Variants in SLCO3A1 observed in about 807,000 individuals in gnomAD.
SLCO3A1 encodes the protein solute carrier organic anion transporter family member 3A1.
In SLCO3A1, 27 loss-of-function variants were observed where a neutral mutation model predicts 63.1. That is an observed-to-expected ratio of 0.43 (90% confidence interval 0.32 to 0.59). The LOEUF is 0.59. Among genes scored for constraint, SLCO3A1 ranks in the 20% least tolerant of loss-of-function variants. The pLI is 0.09. For synonymous variants in SLCO3A1, 473 were observed against 409.9 expected (o/e 1.15, Z -1.86); for missense variants, 773 against 945.8 (o/e 0.82, Z 2.40).
At chr15:92,092,555 G>A (rs1380716111) in intron 2 of SLCO3A1, among the ~76,000 whole-genome samples, 1 of 152,066 alleles carries the variant, frequency 6.6e-6, no homozygotes, top group Non-Finnish European at 1.5e-5. Flanking sequence ...ACAGCCTGCA[G>A]CCTGGATGGG....
rs369307385 is a variant in SLCO3A1 at position 92,033,549 on chromosome 15, T to C, written c.647-61332T>C. Reference sequence around the variant, plus strand: ...GGGTGACTTCCAGCTGGGACTGGCATGTGTTCGTTCAGCCCGAGCTTCCAC... The same window carrying C: ...GGGTGACTTCCAGCTGGGACTGGCACGTGTTCGTTCAGCCCGAGCTTCCAC... On this transcript the variant is annotated intron_variant, in intron 2 of 9. Coordinates refer to ENST00000318445, the MANE Select transcript of SLCO3A1 (RefSeq NM_013272.4). This position sits in a 1 kb window ranked among gnomAD's most constrained non-coding sequence, Gnocchi z 4.5. 6.6e-6 allele frequency among the ~76,000 whole-genome samples: 1 copy of C among 152,276 alleles called. No homozygotes were observed. The highest frequency in any genetic ancestry group is 1.9e-4 in the East Asian group (1 of 5,168).
chr15:91,953,056 C>T (rs1204804573), intron 2 of SLCO3A1, among the ~76,000 whole-genome samples: 1 of 152,124 alleles, frequency 6.6e-6, no homozygotes, highest in Non-Finnish European at 1.5e-5. Context: ...TGGAAGCTGC[C>T]TCGGGAAATA....
chr15:92,165,059 G>A lies in SLCO3A1; in HGVS notation c.*1924G>A. On this transcript the variant is annotated 3_prime_UTR_variant, in exon 10 of 10. Coordinates refer to ENST00000318445, the MANE Select transcript of SLCO3A1 (RefSeq NM_013272.4). ...GGAAGTAAAAAATGGTTGGGAGTGG[G>A]ACAGGTATGGTACCGAATTTTTAAT... 2 of 985,378 alleles carry A rather than the reference G, an allele frequency of 2.0e-6. No homozygotes were observed. The highest frequency in any genetic ancestry group is 2.4e-6 in the Non-Finnish European group (2 of 829,886). 61.0% of individuals were successfully genotyped at this position (985,378 alleles called of 1,614,324 possible).
intron 9 of SLCO3A1, among the ~76,000 whole-genome samples, chr15:92,161,333 C>A (rs1432841532): frequency 1.3e-5 from 2 of 152,206 alleles, no homozygotes; most frequent in African/African-American, 2.4e-5. Flanking sequence ...ACACCAAATG[C>A]TCTGATTTCA....
At chr15:91,928,110 T>G (rs1034129344) in intron 2 of SLCO3A1, among the ~76,000 whole-genome samples, 1 of 152,246 alleles carries the variant, frequency 6.6e-6, no homozygotes, top group Non-Finnish European at 1.5e-5. Flanking sequence ...AATATCAGCC[T>G]TGTTACTGGT....
In SLCO3A1 at chr15:92,133,640, G is replaced by C. The variant is rs115048735; in HGVS notation, c.1512+5151G>C. Among the ~76,000 whole-genome samples the C allele has an allele frequency of 5.5e-5, 8 of 145,246 alleles. 1 individual carries two copies. Among genetic ancestry groups the C allele is most frequent in the African/African-American group, 2.0e-4 (8 of 40,058 alleles). Reference sequence around the variant, plus strand: ...TGCGCACGCGAGGGATCTAGGGTGCGTGTGCCTTAGGGGAATCTAATGCCC... The same window carrying C: ...TGCGCACGCGAGGGATCTAGGGTGCCTGTGCCTTAGGGGAATCTAATGCCC... On this transcript the variant is annotated intron_variant, in intron 7 of 9. Transcript: ENST00000318445.
intron 2 of SLCO3A1, among the ~76,000 whole-genome samples, chr15:91,989,344 C>T (rs573310006): frequency 4.6e-5 from 7 of 152,266 alleles, no homozygotes; most frequent in Admixed American, 2.6e-4. Context: ...CCCTTCCTAT[C>T]GTGTGAGCAA....
chr15:92,056,626 T>A (rs796402763), intron 2 of SLCO3A1, among the ~76,000 whole-genome samples: 1 of 152,230 alleles, frequency 6.6e-6, no homozygotes, highest in Admixed American at 6.5e-5. Context: ...AAAGCCATGT[T>A]CCCTATAATT....
At chr15:92,065,707 C>T (rs2047142775) in intron 2 of SLCO3A1, among the ~76,000 whole-genome samples, 1 of 152,032 alleles carries the variant, frequency 6.6e-6, no homozygotes, top group Non-Finnish European at 1.5e-5. Flanking sequence ...ATGTTATTTC[C>T]TTCTTTTTTT....
In SLCO3A1 at chr15:91,912,343, A is replaced by G. The variant is rs1039991358; in HGVS notation, c.181-3650A>G. Among the ~76,000 whole-genome samples the G allele has an allele frequency of 3.3e-5, 5 of 152,294 alleles. No homozygotes were observed. On this transcript the variant is annotated intron_variant, in intron 1 of 9. Transcript: ENST00000318445. This position sits in a 1 kb window ranked among gnomAD's most constrained non-coding sequence, Gnocchi z 5.0. The stretch of plus-strand genomic sequence containing the variant: ...CAAAGCATCATTTCAGAATCTTTGC[A>G]TGACTTCCCAGACTGGCATTGCAGC...
intron 3 of SLCO3A1, among the ~76,000 whole-genome samples, chr15:92,103,217 C>A (rs1006503305): frequency 2.0e-5 from 3 of 152,156 alleles, no homozygotes; most frequent in African/African-American, 7.2e-5. Flanking sequence ...ACCTCATACA[C>A]CATTGCCCAG....
chr15:91,899,928 A>G (rs555886042), intron 1 of SLCO3A1, among the ~76,000 whole-genome samples: 1 of 152,262 alleles, frequency 6.6e-6, no homozygotes, highest in Non-Finnish European at 1.5e-5. Flanking sequence ...CATAGCATGT[A>G]TTAATAATAG....
chr15:91,916,567 C>A lies in SLCO3A1; in HGVS notation c.646+109C>A. 1 of 792,900 alleles carries A rather than the reference C, an allele frequency of 1.3e-6. No homozygotes were observed. Among genetic ancestry groups the A allele is most frequent in the Non-Finnish European group, 2.0e-6 (1 of 504,680 alleles). 49.1% of individuals were successfully genotyped at this position (792,900 alleles called of 1,614,324 possible). A position where few individuals can be genotyped will look rare whatever the true frequency, so the allele number is the denominator to read the frequency against. ...CCAGAGTACTGGTTCTCAGACTTGG[C>A]TGCACACCTAGTGTTCTTGAAAAAT... On this transcript the variant is annotated intron_variant, in intron 2 of 9. Transcript: ENST00000318445. This position sits in a 1 kb window ranked among gnomAD's most constrained non-coding sequence, Gnocchi z 6.2.
intron 1 of SLCO3A1, among the ~76,000 whole-genome samples, chr15:91,855,466 G>A (rs1342392290): frequency 6.6e-6 from 1 of 152,172 alleles, no homozygotes; most frequent in Non-Finnish European, 1.5e-5. Flanking sequence ...GACGAAAAGC[G>A]TTTACATCCC....
At chr15:92,019,580 C>G (rs2046481772) in intron 2 of SLCO3A1, among the ~76,000 whole-genome samples, 2 of 152,188 alleles carry the variant, frequency 1.3e-5, no homozygotes, top group Non-Finnish European at 2.9e-5. Flanking sequence ...TGAACTGCAT[C>G]TTGAGGGATG....
rs141438519 is a variant in SLCO3A1, at chr15:91,916,759, G to T, written c.646+301G>T. On this transcript the variant is annotated intron_variant, in intron 2 of 9. Transcript: ENST00000318445. The surrounding 1 kb of genome is among the most constrained non-coding windows in gnomAD (Gnocchi z 6.2). ...ATGTTTATCTCTTCTTTTTGAGTGC[G>T]TATGTGGACTTTGGGCTTTCTGATA... Among the ~76,000 whole-genome samples, 100 of 152,252 alleles carry T rather than the reference G, an allele frequency of 6.6e-4. No homozygotes were observed. The East Asian group carries it at 0.018, about 27-fold the overall frequency.
intron 2 of SLCO3A1, among the ~76,000 whole-genome samples, chr15:91,944,379 A>T (rs566366445): frequency 1.6e-4 from 25 of 152,174 alleles, no homozygotes; most frequent in Non-Finnish European, 1.5e-4. Flanking sequence ...GAAAAGCAGT[A>T]TTGGAAGGAT....
chr15:91,961,544 A>T (rs1397048675), intron 2 of SLCO3A1, among the ~76,000 whole-genome samples: 2 of 152,176 alleles, frequency 1.3e-5, no homozygotes, highest in African/African-American at 4.8e-5. Context: ...GATGAGTCAT[A>T]TCTCACACTC....
intron 2 of SLCO3A1, among the ~76,000 whole-genome samples, chr15:92,059,253 G>T (rs965858245): frequency 1.1e-4 from 16 of 152,208 alleles, no homozygotes; most frequent in African/African-American, 3.9e-4. Context: ...ACAGGTTTCT[G>T]CAAGGACACT....
Sources: gnomAD v4.1 joint callset for allele counts (sites outside exome capture counted in the v4.1 genomes callset) on GRCh38, gnomAD v4.1.1 for gene constraint, Gnocchi (gnomAD v3.1) non-coding constraint, MANE v1.5 for transcripts, NCBI Gene and HGNC (gene_info 2026-07-23, HGNC 2026-07-21) for gene names.